Variants in GLDC observed in about 807,000 individuals in gnomAD.
The protein encoded by GLDC is glycine dehydrogenase (decarboxylating), mitochondrial.
In GLDC, 104 loss-of-function variants were observed where a neutral mutation model predicts 121.3. That is an observed-to-expected ratio of 0.86 (90% CI 0.73 to 1.01). The LOEUF (loss-of-function observed/expected upper bound fraction) is 1.01, where lower values mean the gene tolerates loss of function less well. Ranked by LOEUF, GLDC falls within the 50% of genes least tolerant of loss-of-function variation. The pLI is 0.00. For synonymous variants in GLDC, 546 were observed against 480.6 expected (o/e 1.14, Z -1.78); for missense variants, 1,429 against 1,306.6 (o/e 1.09, Z -1.44).
chr9:6,558,060 T>C (rs536035105), intron 17 of GLDC: 118 of 218,220 alleles, frequency 5.4e-4, no homozygotes, highest in African/African-American at 2.6e-3. Context: ...AGTCCGCTGG[T>C]GGGAAGCAGA....
intron 16 of GLDC, among the ~76,000 whole-genome samples, chr9:6,562,182 T>C (rs762024298): frequency 1.2e-4 from 19 of 152,256 alleles, no homozygotes; most frequent in Non-Finnish European, 2.6e-4. Flanking sequence ...GCCTGGTACA[T>C]GGTAATTGCC....
intron 15 of GLDC, among the ~76,000 whole-genome samples, chr9:6,575,249 T>G (rs376556770): frequency 6.7e-6 from 1 of 150,242 alleles, no homozygotes; most frequent in East Asian, 2.0e-4. Context: ...AACTCTCCCA[T>G]ATGGGCTCCA....
chr9:6,604,456 A>G lies in GLDC; in HGVS notation c.1058+132T>C, dbSNP rs1002070244. On this transcript the variant is annotated intron_variant, in intron 7 of 24. Coordinates refer to ENST00000321612, the MANE Select transcript of GLDC (RefSeq NM_000170.3). ...ATCCCAAACAGAATTGTTCTTCTGA[A>G]TCTATGTTGTACATTTCCTTAACTG... The G allele has an allele frequency of 1.3e-5, 11 of 837,858 alleles. No individual in the cohort carries two copies. In the African/African-American group the frequency reaches 1.7e-4, roughly 13 times the overall value. 51.9% of individuals were successfully genotyped at this position (837,858 alleles called of 1,614,324 possible). A position where few individuals can be genotyped will look rare whatever the true frequency, so the allele number is the denominator to read the frequency against.
At position 6,645,111 on chromosome 9, in the gene GLDC, G is replaced by A. The variant is rs902306682; in HGVS notation, c.255+134C>T. On this transcript the variant is annotated intron_variant, in intron 1 of 24. Coordinates refer to ENST00000321612, the MANE Select transcript of GLDC (RefSeq NM_000170.3). The stretch of plus-strand genomic sequence containing the variant: ...ACCAAAGGCACGAATTTGCTTCCAC[G>A]CCACGGCCCGGGACCCAGGGTGCGG... The A allele has an allele frequency of 3.5e-5, 31 of 884,470 alleles. No homozygotes were observed. In the African/African-American group the frequency reaches 4.1e-4, roughly 12 times the overall value. 54.8% of individuals were successfully genotyped at this position (884,470 alleles called of 1,614,324 possible). A position where few individuals can be genotyped will look rare whatever the true frequency, so the allele number is the denominator to read the frequency against.
At chr9:6,571,913 A>T (rs567077073) in intron 15 of GLDC, among the ~76,000 whole-genome samples, 24 of 152,322 alleles carry the variant, frequency 1.6e-4, no homozygotes, top group African/African-American at 5.5e-4. Flanking sequence ...AATATACCCA[A>T]CTATTTTTGA....
At chr9:6,631,237 C>G (rs1819371121) in intron 2 of GLDC, among the ~76,000 whole-genome samples, 1 of 152,210 alleles carries the variant, frequency 6.6e-6, no homozygotes, top group South Asian at 2.1e-4. Flanking sequence ...TCAGGGGTTA[C>G]CGCTCTCCTC....
intron 2 of GLDC, among the ~76,000 whole-genome samples, chr9:6,630,847 C>T (rs1819360657): frequency 6.6e-6 from 1 of 152,176 alleles, no homozygotes; most frequent in African/African-American, 2.4e-5. Flanking sequence ...TCATTTATAG[C>T]ACTCCTTTCT....
At chr9:6,619,145 GCAAAAAAAAAAAAAAAA>G (rs1259088717) in intron 3 of GLDC, among the ~76,000 whole-genome samples, 1 of 30,196 alleles carries the variant, frequency 3.3e-5, no homozygotes, top group African/African-American at 1.5e-4. Flanking sequence ...TCTGTCTCAG[GCAAAAAAAAAAAAAAAA>G]AAAAAAAAAA....
intron 2 of GLDC, among the ~76,000 whole-genome samples, chr9:6,642,981 C>G (rs979711977): frequency 6.6e-6 from 1 of 151,974 alleles, no homozygotes; most frequent in Non-Finnish European, 1.5e-5. Flanking sequence ...TCGCTGCAAC[C>G]TCCACTGCCC....
At chr9:6,538,328 T>C (rs1563828345) in intron 22 of GLDC, among the ~76,000 whole-genome samples, 1 of 152,170 alleles carries the variant, frequency 6.6e-6, no homozygotes, top group African/African-American at 2.4e-5. Flanking sequence ...TGCCAGGTGA[T>C]TCTGATAATT....
chr9:6,592,116 A>C, intron 11 of GLDC, 27 bp downstream of exon 11: 1 of 1,365,798 alleles, frequency 7.3e-7, no homozygotes, highest in Non-Finnish European at 1.0e-6. Flanking sequence ...AGTTATGATG[A>C]GGAACGCATG....
chr9:6,557,502 G>A (rs1454190599), intron 17 of GLDC, among the ~76,000 whole-genome samples: 1 of 152,136 alleles, frequency 6.6e-6, no homozygotes, highest in African/African-American at 2.4e-5. Flanking sequence ...GCTGAGGCAG[G>A]AGAATTGCTT....
Position 6,614,937 on chromosome 9 carries a change from T to C in GLDC, c.471-4581A>G, listed in dbSNP as rs540884528. On this transcript the variant is annotated intron_variant, in intron 3 of 24. Transcript: ENST00000321612. ...GTACAACAATGGTTAAGTATTTGTG[T>C]TTCTAAATACAGAAAAGGTACAGTA... Among the ~76,000 whole-genome samples, 5 of 152,318 alleles carry C rather than the reference T, an allele frequency of 3.3e-5. 1 individual carries two copies. Among genetic ancestry groups the C allele is most frequent in the Non-Finnish European group, 7.3e-5 (5 of 68,028 alleles).
intron 8 of GLDC, among the ~76,000 whole-genome samples, chr9:6,595,915 G>A (rs530319954): frequency 7.0e-4 from 107 of 152,252 alleles, no homozygotes; most frequent in African/African-American, 2.5e-3. Flanking sequence ...AGTCTCTATG[G>A]AGCCAATGCA....
chr9:6,578,722 G>T (rs565131791), intron 15 of GLDC, among the ~76,000 whole-genome samples: 59 of 151,816 alleles, frequency 3.9e-4, no homozygotes, highest in African/African-American at 1.4e-3. Flanking sequence ...TTGGAGAGAT[G>T]AGGTCTTGCT....
At chr9:6,581,390 T>C (rs1380200485) in intron 15 of GLDC, among the ~76,000 whole-genome samples, 2 of 152,234 alleles carry the variant, frequency 1.3e-5, no homozygotes, top group Non-Finnish European at 2.9e-5. Context: ...ACTTCTCCAC[T>C]GTGCTTTCCG....
At position 6,623,021 on chromosome 9, in the gene GLDC, G is replaced by A. The variant is rs552963572; in HGVS notation, c.335-2702C>T. On this transcript the variant is annotated intron_variant, in intron 2 of 24. Coordinates refer to ENST00000321612, the MANE Select transcript of GLDC (RefSeq NM_000170.3). ...GGGGTCAGCCCCTGCCCGGCCAGCC[G>A]CCCTGTCTGGGAGGTGAGGGGCGCC... 5.6e-4 allele frequency: 95 copies of A among 170,820 alleles called. 1 individual carries two copies. In the East Asian group the frequency reaches 7.4e-3, roughly 13 times the overall value. 10.6% of individuals were successfully genotyped at this position (170,820 alleles called of 1,614,324 possible).
At chr9:6,613,840 G>A (rs189250609) in intron 3 of GLDC, among the ~76,000 whole-genome samples, 7 of 151,964 alleles carry the variant, frequency 4.6e-5, no homozygotes, top group African/African-American at 1.5e-4. Context: ...GCAGTGGCAC[G>A]ATCTCGGCCC....
chr9:6,558,327 T>G (rs1817678433), intron 17 of GLDC: 1 of 639,334 alleles, frequency 1.6e-6, no homozygotes, highest in Non-Finnish European at 2.8e-6. Flanking sequence ...CAAGGAGTAC[T>G]CTTACTACCA....
Sources: allele counts gnomAD v4.1 joint callset (sites outside exome capture counted in the v4.1 genomes callset), GRCh38; gene constraint gnomAD v4.1.1; transcripts MANE v1.5; gene names NCBI Gene and HGNC (gene_info 2026-07-23, HGNC 2026-07-21).